The following TTLL11 variants were observed in gnomAD, a reference collection of about 807,000 sequenced individuals.
The protein encoded by TTLL11 is tubulin polyglutamylase TTLL11.
TTLL11 carries 42 observed loss-of-function variants against 51.7 expected under a neutral mutation model. The ratio of observed to expected loss-of-function variants is 0.81; its 90% confidence interval spans 0.64 to 1.05. TTLL11 has a LOEUF of 1.05. Among genes scored for constraint, TTLL11 ranks in the 50% least tolerant of loss-of-function variants. The probability of loss-of-function intolerance (pLI) is 0.00; values close to 1 mark genes in which losing one functional copy is unlikely to be tolerated. For missense variants in TTLL11, 799 were observed against 940.4 expected (o/e 0.85, Z 1.97); for synonymous variants, 381 against 383.5 (o/e 0.99, Z 0.08).
At chr9:122,084,676 A>C (rs1348713654) in intron 1 of TTLL11, among the ~76,000 whole-genome samples, 1 of 152,196 alleles carries the variant, frequency 6.6e-6, no homozygotes, top group Admixed American at 6.5e-5. Context: ...AAGTCAAACC[A>C]ACATGTATTC....
chr9:121,992,477 G>A (rs1011552324), intron 3 of TTLL11, among the ~76,000 whole-genome samples: 5 of 152,366 alleles, frequency 3.3e-5, no homozygotes, highest in African/African-American at 1.2e-4. Flanking sequence ...ACCTGGGCAT[G>A]TGTATTCTGG....
intron 6 of TTLL11, among the ~76,000 whole-genome samples, chr9:121,922,913 C>T (rs1208948523): frequency 6.6e-6 from 1 of 152,136 alleles, no homozygotes; most frequent in Non-Finnish European, 1.5e-5. Flanking sequence ...TATGGAAACA[C>T]GGCCACCCTC....
chr9:121,856,754 G>T (rs925749269), intron 8 of TTLL11, among the ~76,000 whole-genome samples: 3 of 152,166 alleles, frequency 2.0e-5, no homozygotes, highest in Admixed American at 2.0e-4. Context: ...GATGGGGAAA[G>T]CCGTCTCCCT....
intron 1 of TTLL11, among the ~76,000 whole-genome samples, chr9:122,082,139 T>C (rs956051794): frequency 2.0e-5 from 3 of 152,224 alleles, no homozygotes; most frequent in Non-Finnish European, 4.4e-5. Context: ...AAATATAAAG[T>C]ACATATGCCC....
At chr9:121,843,672 GTTA>G (rs578006072) in intron 8 of TTLL11, among the ~76,000 whole-genome samples, 3 of 151,782 alleles carry the variant, frequency 2.0e-5, no homozygotes, top group African/African-American at 4.8e-5. Flanking sequence ...CTTATTTTTT[GTTA>G]TTATTATTAT....
At chr9:122,027,613 C>G (rs945266410) in intron 3 of TTLL11, among the ~76,000 whole-genome samples, 2 of 152,180 alleles carry the variant, frequency 1.3e-5, no homozygotes, top group Admixed American at 6.5e-5. Flanking sequence ...GGGGTGCTCT[C>G]TCTGTCCTAT....
chr9:122,021,818 A>G (rs545757312), intron 3 of TTLL11, among the ~76,000 whole-genome samples: 2 of 152,246 alleles, frequency 1.3e-5, no homozygotes, highest in Non-Finnish European at 2.9e-5. Flanking sequence ...TGAAAAAAAC[A>G]TCGTGATATG....
chr9:122,092,195 G>A (rs942591627), intron 1 of TTLL11, among the ~76,000 whole-genome samples: 1 of 152,174 alleles, frequency 6.6e-6, no homozygotes, highest in African/African-American at 2.4e-5. Flanking sequence ...AAGAGGTGAA[G>A]CAACTTACTC....
chr9:121,982,718 A>AG lies in TTLL11; in HGVS notation c.1269+6476_1269+6477insC, dbSNP rs1842853396. Among the ~76,000 whole-genome samples the AG allele has an allele frequency of 1.4e-4, 3 of 21,640 alleles. No individual in the cohort carries two copies. In the South Asian group the frequency reaches 6.3e-3, roughly 46 times the overall value. The allele number at this position is 21,640 out of a possible 152,430, so 14.2% of individuals were successfully genotyped here. A position where few individuals can be genotyped will look rare whatever the true frequency, so the allele number is the denominator to read the frequency against. ...GTCAACAAGAGTGAAACTCCAACTC[A>AG]AAAAAAAAAAAAAAAAAAGAATAAG... On this transcript the variant is annotated intron_variant, in intron 4 of 8. Coordinates refer to ENST00000321582, the MANE Select transcript of TTLL11 (RefSeq NM_001139442.2).
Position 122,092,822 on chromosome 9 carries a change from G to T in TTLL11, c.327C>A (p.Gly109=). The T allele has an allele frequency of 6.4e-7, 1 of 1,555,080 alleles. No individual in the cohort carries two copies. The highest frequency in any genetic ancestry group is 8.6e-7 in the Non-Finnish European group (1 of 1,157,362). The part of the protein sequence containing the change: ...LCPHGKPRDK[G]RSCKRSSGHG... ...GGCCCGAGCTCCGCTTGCAGCTTCG[G>T]CCCTTGTCCCGGGGCTTCCCGTGCG... is the stretch of plus-strand genomic sequence containing the variant. The change falls in exon 1 of 9, where the codon GGC becomes GGA. Residue 109 remains glycine (G), a synonymous_variant. Transcript: ENST00000321582.
At chr9:121,891,329 G>A (rs980450476) in intron 6 of TTLL11, among the ~76,000 whole-genome samples, 13 of 152,138 alleles carry the variant, frequency 8.5e-5, no homozygotes, top group African/African-American at 1.9e-4. Flanking sequence ...AGGGTTGCCC[G>A]AGGATCAGAG....
intron 6 of TTLL11, among the ~76,000 whole-genome samples, chr9:121,930,621 C>T (rs1228736332): frequency 4.6e-5 from 7 of 152,178 alleles, no homozygotes; most frequent in South Asian, 2.1e-4. Context: ...GCCAGCCAGC[C>T]GGCAGTGGCA....
At chr9:122,034,647 C>T (rs1256298663) in intron 2 of TTLL11, among the ~76,000 whole-genome samples, 1 of 152,146 alleles carries the variant, frequency 6.6e-6, no homozygotes, top group East Asian at 1.9e-4. Context: ...CATGGAAGCT[C>T]CTGGCATCTC....
At chr9:121,909,554 G>A (rs1266493163) in intron 6 of TTLL11, among the ~76,000 whole-genome samples, 1 of 152,156 alleles carries the variant, frequency 6.6e-6, no homozygotes, top group Non-Finnish European at 1.5e-5. Context: ...ATATGCTTTT[G>A]TCTTTATTCC....
rs1845023007 is a variant in TTLL11 at position 122,046,940 on chromosome 9, T to G, written c.463-7572A>C. 3.3e-5 allele frequency among the ~76,000 whole-genome samples: 5 copies of G among 152,282 alleles called. No homozygotes were observed. The South Asian group carries it at 1.0e-3, about 32-fold the overall frequency. On this transcript the variant is annotated intron_variant, in intron 1 of 8. Coordinates refer to ENST00000321582, the MANE Select transcript of TTLL11 (RefSeq NM_001139442.2). Reference sequence around the variant, plus strand: ...TAAGTACCTCCTACGCGCCAAAGGGTCTCAGGAGCCAACAACACAATGGGA... The same window carrying G: ...TAAGTACCTCCTACGCGCCAAAGGGGCTCAGGAGCCAACAACACAATGGGA...
At chr9:121,826,481 GTATA>G (rs1203750439) in intron 8 of TTLL11, among the ~76,000 whole-genome samples, 1 of 46,384 alleles carries the variant, frequency 2.2e-5, no homozygotes, top group African/African-American at 8.8e-5. Flanking sequence ...ATATATATAT[GTATA>G]TATATATATG....
intron 3 of TTLL11, among the ~76,000 whole-genome samples, chr9:122,010,234 G>A (rs559550657): frequency 3.0e-4 from 46 of 152,134 alleles, no homozygotes; most frequent in Non-Finnish European, 5.7e-4. Context: ...AATGAAAGTT[G>A]TATTAAGTGA....
intron 6 of TTLL11, among the ~76,000 whole-genome samples, chr9:121,933,330 A>C (rs1841066396): frequency 6.6e-6 from 1 of 152,072 alleles, no homozygotes; most frequent in African/African-American, 2.4e-5. Flanking sequence ...AGTAGTGGAG[A>C]ATGGGGAGCA....
intron 3 of TTLL11, among the ~76,000 whole-genome samples, chr9:121,996,102 G>A (rs1458741031): frequency 6.6e-6 from 1 of 152,206 alleles, no homozygotes; most frequent in African/African-American, 2.4e-5. Context: ...TACCCCTGAG[G>A]ATTTGGGGCT....
Sources: gnomAD v4.1 joint callset for allele counts (sites outside exome capture counted in the v4.1 genomes callset) on GRCh38, gnomAD v4.1.1 for gene constraint, MANE v1.5 for transcripts, NCBI Gene and HGNC (gene_info 2026-07-23, HGNC 2026-07-21) for gene names.